The following CTNND2 variants were observed in gnomAD, a reference collection of about 807,000 sequenced individuals.
CTNND2 encodes catenin delta-2.
CTNND2 carries 22 observed loss-of-function variants against 144.4 expected under a neutral mutation model. The observed-to-expected ratio is 0.15, with a 90% CI of 0.11 to 0.22. The LOEUF is 0.22. Among genes scored for constraint, CTNND2 ranks in the 10% least tolerant of loss-of-function variants. The probability of loss-of-function intolerance (pLI) is 1.00; values close to 1 mark genes in which losing one functional copy is unlikely to be tolerated. For missense variants in CTNND2, 1,353 were observed against 1,618.8 expected (o/e 0.84, Z 2.82); for synonymous variants, 751 against 695.6 (o/e 1.08, Z -1.25).
intron 3 of CTNND2, among the ~76,000 whole-genome samples, chr5:11,509,797 C>A (rs1203372712): frequency 6.6e-6 from 1 of 152,168 alleles, no homozygotes; most frequent in African/African-American, 2.4e-5. Flanking sequence ...CAAACAGGTG[C>A]TACGGAGGAA....
At chr5:11,234,498 C>T (rs764676125) in intron 10 of CTNND2, among the ~76,000 whole-genome samples, 18 of 152,186 alleles carry the variant, frequency 1.2e-4, no homozygotes, top group South Asian at 2.1e-4. Context: ...AAAGCCAGCC[C>T]GGGAAGCTCA....
At chr5:11,805,063 C>T (rs915840712) in intron 1 of CTNND2, among the ~76,000 whole-genome samples, 3 of 152,142 alleles carry the variant, frequency 2.0e-5, no homozygotes, top group Admixed American at 1.3e-4. Context: ...GGGTTAACGA[C>T]TGTGATCTTG....
At chr5:11,616,193 C>G (rs930323607) in intron 2 of CTNND2, among the ~76,000 whole-genome samples, 18 of 152,168 alleles carry the variant, frequency 1.2e-4, no homozygotes, top group African/African-American at 4.1e-4. Flanking sequence ...CTCCTTCTCT[C>G]CTCTGGGCCA....
At chr5:10,977,070 C>T (rs1384211188) in intron 21 of CTNND2, among the ~76,000 whole-genome samples, 1 of 152,170 alleles carries the variant, frequency 6.6e-6, no homozygotes, top group Non-Finnish European at 1.5e-5. Flanking sequence ...GGCTCATGCT[C>T]CAATTTGAGA....
intron 12 of CTNND2, among the ~76,000 whole-genome samples, chr5:11,150,923 G>C (rs1757708799): frequency 6.6e-6 from 1 of 152,136 alleles, no homozygotes; most frequent in Non-Finnish European, 1.5e-5. Context: ...ACCGCGTCCA[G>C]CCTGAACTGC....
chr5:11,757,100 T>C (rs1406812051), intron 1 of CTNND2, among the ~76,000 whole-genome samples: 3 of 151,690 alleles, frequency 2.0e-5, no homozygotes, highest in African/African-American at 4.8e-5. Flanking sequence ...ATTCTGCTAG[T>C]TTTCCCCTAT....
chr5:11,485,644 A>G (rs936667778), intron 3 of CTNND2, among the ~76,000 whole-genome samples: 4 of 152,210 alleles, frequency 2.6e-5, no homozygotes, highest in African/African-American at 9.6e-5. Context: ...TATTTGGTAA[A>G]CAATAATATT....
At chr5:11,339,396 C>T (rs1251918774) in intron 9 of CTNND2, among the ~76,000 whole-genome samples, 4 of 151,972 alleles carry the variant, frequency 2.6e-5, no homozygotes, top group African/African-American at 9.7e-5. Context: ...AAAGCAGTAC[C>T]GCGGGAGGAG....
At position 11,738,435 on chromosome 5, in the gene CTNND2, C is replaced by CT. The variant is rs369847066; in HGVS notation, c.38-6164dup. Among the ~76,000 whole-genome samples, 769 of 152,290 alleles carry CT rather than the reference C, an allele frequency of 5.0e-3. 3 individuals are homozygous for CT. The highest frequency in any genetic ancestry group is 0.017 in the African/African-American group (722 of 41,570). ...ATGATGTCCAAATGAATAGTCTAAACTTTTCTTTCCCAAATAGGAGTCTCT... is the reference window on the plus strand; with the variant it reads ...ATGATGTCCAAATGAATAGTCTAAACTTTTTCTTTCCCAAATAGGAGTCTCT... On this transcript the variant is annotated intron_variant, in intron 1 of 21. Coordinates refer to ENST00000304623, the MANE Select transcript of CTNND2 (RefSeq NM_001332.4).
At chr5:11,488,640 C>A (rs1411275973) in intron 3 of CTNND2, among the ~76,000 whole-genome samples, 1 of 152,064 alleles carries the variant, frequency 6.6e-6, no homozygotes, top group Non-Finnish European at 1.5e-5. Context: ...ATTCATGTAA[C>A]TAGTAGCATA....
chr5:11,453,009 C>T (rs1380134824), intron 3 of CTNND2, among the ~76,000 whole-genome samples: 1 of 152,152 alleles, frequency 6.6e-6, no homozygotes, highest in Non-Finnish European at 1.5e-5. Flanking sequence ...TGTATATTTG[C>T]CTCTCAGACT....
chr5:11,724,033 C>T (rs868658796), intron 2 of CTNND2, among the ~76,000 whole-genome samples: 3 of 149,290 alleles, frequency 2.0e-5, no homozygotes, highest in Non-Finnish European at 4.4e-5. Flanking sequence ...CCAGCCTGGG[C>T]GACAGAGCAA....
At chr5:11,631,512 A>G (rs994372112) in intron 2 of CTNND2, among the ~76,000 whole-genome samples, 2 of 150,570 alleles carry the variant, frequency 1.3e-5, no homozygotes, top group Non-Finnish European at 2.9e-5. Context: ...TTGCTAATCA[A>G]TGTGAGAGAA....
intron 2 of CTNND2, among the ~76,000 whole-genome samples, chr5:11,694,774 T>C (rs78679683): frequency 0.021 from 3,211 of 152,284 alleles, 115 homozygotes; most frequent in African/African-American, 0.073. Context: ...TCTCCTTCTG[T>C]CTCTGTTCAA....
At chr5:11,752,000 GCA>G (rs1040412065) in intron 1 of CTNND2, among the ~76,000 whole-genome samples, 4 of 151,216 alleles carry the variant, frequency 2.6e-5, no homozygotes, top group Non-Finnish European at 4.4e-5. Context: ...TGTTGGCTGT[GCA>G]CAGTCTTCTT....
At chr5:11,307,865 G>T (rs1750416218) in intron 9 of CTNND2, among the ~76,000 whole-genome samples, 1 of 152,200 alleles carries the variant, frequency 6.6e-6, no homozygotes, top group Admixed American at 6.5e-5. Flanking sequence ...TAATTCCTAA[G>T]GGGATGGTGT....
chr5:11,154,416 G>A (rs1275576358), intron 12 of CTNND2, among the ~76,000 whole-genome samples: 1 of 152,202 alleles, frequency 6.6e-6, no homozygotes, highest in African/African-American at 2.4e-5. Context: ...CCTGCTACAG[G>A]TAGTGTTTGG....
At chr5:11,207,772 A>G (rs1738204946) in intron 10 of CTNND2, among the ~76,000 whole-genome samples, 2 of 152,210 alleles carry the variant, frequency 1.3e-5, no homozygotes, top group South Asian at 4.1e-4. Context: ...CTTGACTCTG[A>G]GAAAACCTGC....
intron 2 of CTNND2, among the ~76,000 whole-genome samples, chr5:11,595,481 G>C (rs911781613): frequency 6.6e-6 from 1 of 152,136 alleles, no homozygotes; most frequent in Admixed American, 6.6e-5. Context: ...TATTCTGGCA[G>C]GGTATAAACC....
Sources: allele counts gnomAD v4.1 joint callset (sites outside exome capture counted in the v4.1 genomes callset), GRCh38; gene constraint gnomAD v4.1.1; transcripts MANE v1.5; gene names NCBI Gene and HGNC (gene_info 2026-07-23, HGNC 2026-07-21).